CDC14A: variants seen among roughly 807,000 people sequenced by gnomAD.
The protein encoded by CDC14A is dual specificity protein phosphatase CDC14A.
A neutral mutation model predicts 74.4 loss-of-function variants in CDC14A; 53 were observed. That is an observed-to-expected ratio of 0.71 (90% CI 0.57 to 0.89). The LOEUF is 0.89. Ranked by LOEUF, CDC14A falls within the 40% of genes least tolerant of loss-of-function variation. The probability of loss-of-function intolerance (pLI) is 0.00; values close to 1 mark genes in which losing one functional copy is unlikely to be tolerated. For missense variants in CDC14A, 646 were observed against 713.7 expected (o/e 0.91, Z 1.08); for synonymous variants, 247 against 258.4 (o/e 0.96, Z 0.43).
intron 15 of CDC14A, among the ~76,000 whole-genome samples, chr1:100,506,833 C>T (rs1044587788): frequency 9.9e-5 from 15 of 152,056 alleles, no homozygotes; most frequent in Admixed American, 8.5e-4. Flanking sequence ...TTTAATCTTG[C>T]ATCTTATTTT....
Position 100,518,187 on chromosome 1 carries a change from A to G in CDC14A, c.1756-64A>G, listed in dbSNP as rs561270663. The G allele has an allele frequency of 1.1e-5, 14 of 1,264,070 alleles. No individual in the cohort carries two copies. The African/African-American group carries it at 1.6e-4, about 15-fold the overall frequency. 78.3% of individuals were successfully genotyped at this position (1,264,070 alleles called of 1,614,324 possible). On this transcript the variant is annotated intron_variant, in intron 15 of 15. Coordinates refer to ENST00000336454, the MANE Select transcript of CDC14A (RefSeq NM_003672.4). ...GTCTTGTGTGGAAGGGAGAAGCTGC[A>G]TGACTTGCTAGAAGTTTTACATGTG... is the stretch of plus-strand genomic sequence containing the variant.
At chr1:100,418,640 G>T (rs1267588204) in intron 4 of CDC14A, among the ~76,000 whole-genome samples, 1 of 152,118 alleles carries the variant, frequency 6.6e-6, no homozygotes, top group Non-Finnish European at 1.5e-5. Flanking sequence ...TAGTCCTAGA[G>T]TACGGTGATA....
chr1:100,413,935 GT>G (rs1465516596), intron 4 of CDC14A, among the ~76,000 whole-genome samples: 2 of 152,092 alleles, frequency 1.3e-5, no homozygotes, highest in African/African-American at 4.8e-5. Flanking sequence ...ATTTCTTCAA[GT>G]TTTTCTAATT....
intron 10 of CDC14A, among the ~76,000 whole-genome samples, chr1:100,470,389 G>A (rs1330373409): frequency 8.6e-5 from 13 of 151,244 alleles, no homozygotes; most frequent in Non-Finnish European, 7.4e-5. Flanking sequence ...CAAAACAAGG[G>A]TGTCTACTCT....
At chr1:100,447,607 A>G (rs934037897) in intron 7 of CDC14A, among the ~76,000 whole-genome samples, 1 of 152,232 alleles carries the variant, frequency 6.6e-6, no homozygotes, top group Non-Finnish European at 1.5e-5. Flanking sequence ...TTTCAAATCT[A>G]GTTCAGAAAA....
upstream of CDC14A, among the ~76,000 whole-genome samples, chr1:100,348,160 T>C (rs1650591590): frequency 6.6e-6 from 1 of 151,938 alleles, no homozygotes; most frequent in Non-Finnish European, 1.5e-5. Context: ...TGCACGCCTG[T>C]AGTCCCAGCT....
chr1:100,374,413 G>T (rs974100369), intron 2 of CDC14A, among the ~76,000 whole-genome samples: 1 of 152,188 alleles, frequency 6.6e-6, no homozygotes, highest in East Asian at 1.9e-4. Flanking sequence ...CTAGTTTACA[G>T]TCCCACCAAC....
chr1:100,504,651 A>T (rs938395752), intron 15 of CDC14A, among the ~76,000 whole-genome samples: 5 of 152,212 alleles, frequency 3.3e-5, no homozygotes, highest in Non-Finnish European at 7.3e-5. Flanking sequence ...AGATTTCAAC[A>T]TCTTATTTCC....
rs1298859016 is a variant in CDC14A at position 100,353,863 on chromosome 1, G to C, written c.140+11G>C. ...GCTGGTCTATGAAAAGTAAGTTTATGTTTTGTTTTTTTTTCTCTTGGCCAT... is the reference window on the plus strand; with the variant it reads ...GCTGGTCTATGAAAAGTAAGTTTATCTTTTGTTTTTTTTTCTCTTGGCCAT... On this transcript the variant is annotated intron_variant, in intron 2 of 15. Coordinates refer to ENST00000336454, the MANE Select transcript of CDC14A (RefSeq NM_003672.4). 3 of 1,540,610 alleles carry C rather than the reference G, an allele frequency of 1.9e-6. No individual in the cohort carries two copies. The East Asian group carries it at 6.7e-5, about 35-fold the overall frequency.
intron 8 of CDC14A, among the ~76,000 whole-genome samples, chr1:100,458,514 A>G (rs1666958390): frequency 6.6e-6 from 1 of 152,206 alleles, no homozygotes; most frequent in Non-Finnish European, 1.5e-5. Context: ...TAAGGCTGCC[A>G]TTGGTAAAAT....
chr1:100,480,868 A>C (rs1669388942), intron 10 of CDC14A: 1 of 152,140 alleles, frequency 6.6e-6, no homozygotes, highest in Non-Finnish European at 1.5e-5. Flanking sequence ...AATCTTTTGG[A>C]GAATTCCCTT....
intron 11 of CDC14A, among the ~76,000 whole-genome samples, chr1:100,489,200 C>T (rs1221637469): frequency 6.6e-6 from 1 of 152,174 alleles, no homozygotes; most frequent in Non-Finnish European, 1.5e-5. Flanking sequence ...CTGAAAAGAA[C>T]TCTAGAGATG....
intron 5 of CDC14A, among the ~76,000 whole-genome samples, chr1:100,425,809 A>G (rs930786663): frequency 3.9e-5 from 6 of 152,082 alleles, no homozygotes; most frequent in African/African-American, 9.7e-5. Flanking sequence ...ATATAATCCT[A>G]TTTTTTCAGA....
intron 14 of CDC14A, 112 bp from the exon 15 acceptor site, chr1:100,498,817 C>A (rs1347989370): frequency 1.1e-5 from 15 of 1,386,958 alleles, no homozygotes; most frequent in Non-Finnish European, 1.3e-5. Context: ...TGATCAGATT[C>A]ATCTTCATCA....
intron 7 of CDC14A, among the ~76,000 whole-genome samples, chr1:100,449,999 C>G (rs1362584647): frequency 6.7e-6 from 1 of 149,888 alleles, no homozygotes; most frequent in Non-Finnish European, 1.5e-5. Flanking sequence ...ATCTATGCTG[C>G]AAGAGTGAGG....
chr1:100,468,272 C>T (rs1668042294), intron 10 of CDC14A, among the ~76,000 whole-genome samples, 178 bp downstream of exon 10: 3 of 152,246 alleles, frequency 2.0e-5, no homozygotes, highest in Admixed American at 2.0e-4. Context: ...AACTTTGTAC[C>T]TTTTATATCT....
Position 100,398,312 on chromosome 1 carries a change from T to C in CDC14A, c.309+7488T>C, listed in dbSNP as rs1658809397. On this transcript the variant is annotated intron_variant, in intron 4 of 15. Transcript: ENST00000336454. ...ACTTTTGTGCGTAGACCCTTTGGGCTACCTCCCTGATGATCGGACAGCTAC... is the reference window on the plus strand; with the variant it reads ...ACTTTTGTGCGTAGACCCTTTGGGCCACCTCCCTGATGATCGGACAGCTAC... Among the ~76,000 whole-genome samples, 4 of 152,296 alleles carry C rather than the reference T, an allele frequency of 2.6e-5. No individual in the cohort carries two copies. In the South Asian group the frequency reaches 8.3e-4, roughly 32 times the overall value.
At chr1:100,362,077 GC>G (rs892960666) in intron 2 of CDC14A, among the ~76,000 whole-genome samples, 1 of 152,156 alleles carries the variant, frequency 6.6e-6, no homozygotes, top group Non-Finnish European at 1.5e-5. Flanking sequence ...GAAGGAAACT[GC>G]CTTTTTGCTA....
Position 100,500,811 on chromosome 1 carries a change from AGTGTGTGTGT to A in CDC14A, c.1755+1582_1755+1591del, listed in dbSNP as rs58424420. ...AGGATGTTTTCTAACATGAGAATGC[AGTGTGTGTGT>A]GTGTGTGTGTGTGTGTGTGTGTGTG... is the stretch of plus-strand genomic sequence containing the variant. On this transcript the variant is annotated intron_variant, in intron 15 of 15. Transcript: ENST00000336454. Among the ~76,000 whole-genome samples, 219 of 131,312 alleles carry A rather than the reference AGTGTGTGTGT, an allele frequency of 1.7e-3. 1 individual carries two copies. The highest frequency in any genetic ancestry group is 4.1e-3 in the African/African-American group (144 of 35,102). 86.1% of individuals were successfully genotyped at this position (131,312 alleles called of 152,430 possible). A position where few individuals can be genotyped will look rare whatever the true frequency, so the allele number is the denominator to read the frequency against.
Sources: allele counts gnomAD v4.1 joint callset (sites outside exome capture counted in the v4.1 genomes callset), GRCh38; gene constraint gnomAD v4.1.1; transcripts MANE v1.5; gene names NCBI Gene and HGNC (gene_info 2026-07-23, HGNC 2026-07-21).